Variants in FHOD3 observed in about 807,000 individuals in gnomAD.
FHOD3 encodes formin homology 2 domain containing 3, also known as FH1/FH2 domain-containing protein 3.
A neutral mutation model predicts 173.0 loss-of-function variants in FHOD3; 90 were observed. That is an observed-to-expected ratio of 0.52 (90% confidence interval 0.44 to 0.62). FHOD3 has a LOEUF of 0.62. FHOD3 is among the 20% of genes least tolerant of loss of function. FHOD3 has a pLI of 0.00. For missense variants in FHOD3, 1,945 were observed against 2,034.7 expected (o/e 0.96, Z 0.85); for synonymous variants, 828 against 823.0 (o/e 1.01, Z -0.10).
intron 7 of FHOD3, among the ~76,000 whole-genome samples, chr18:36,598,858 A>G (rs760823208): frequency 1.3e-5 from 2 of 152,192 alleles, no homozygotes; most frequent in Admixed American, 6.5e-5. Flanking sequence ...CAAAGAAGGA[A>G]AATTTAAAAT....
chr18:36,689,037 T>C (rs1295630313), intron 16 of FHOD3, among the ~76,000 whole-genome samples: 1 of 152,176 alleles, frequency 6.6e-6, no homozygotes, highest in African/African-American at 2.4e-5. Flanking sequence ...CACCTCTCTG[T>C]TTACACGGAG....
At chr18:36,779,369 T>C in intron 28 of FHOD3, 79 bp from the exon 29 acceptor site, 2 of 1,330,056 alleles carry the variant, frequency 1.5e-6, no homozygotes, top group South Asian at 1.2e-5. Context: ...GGGACTGGAG[T>C]CTTGACTGCC....
chr18:36,416,429 G>T (rs548057879), intron 3 of FHOD3, among the ~76,000 whole-genome samples: 28 of 152,326 alleles, frequency 1.8e-4, no homozygotes, highest in African/African-American at 6.0e-4. Flanking sequence ...GGTCTGTCAT[G>T]TGGGCATCTC....
Position 36,360,888 on chromosome 18 carries a change from G to A in FHOD3, c.272+5243G>A, listed in dbSNP as rs563139521. 7.2e-5 allele frequency among the ~76,000 whole-genome samples: 11 copies of A among 152,264 alleles called. No homozygotes were observed. The South Asian group carries it at 2.3e-3, about 32-fold the overall frequency. On this transcript the variant is annotated intron_variant, in intron 2 of 28. Coordinates refer to ENST00000590592, the MANE Select transcript of FHOD3 (RefSeq NM_001281740.3). ...CTCACCCATTCACACATTTGTCCAGGTTTCCTCTGCATTTTAGACTGGTGG... is the reference window on the plus strand; with the variant it reads ...CTCACCCATTCACACATTTGTCCAGATTTCCTCTGCATTTTAGACTGGTGG...
chr18:36,319,211 T>C (rs893701051), intron 1 of FHOD3, among the ~76,000 whole-genome samples: 3 of 152,188 alleles, frequency 2.0e-5, no homozygotes, highest in Admixed American at 6.5e-5. Context: ...ATTGGTGTGC[T>C]GATTTCAGGA....
chr18:36,431,865 C>G (rs2050569462), intron 3 of FHOD3, among the ~76,000 whole-genome samples: 1 of 152,144 alleles, frequency 6.6e-6, no homozygotes, highest in Admixed American at 6.5e-5. Flanking sequence ...TGAGAAAATA[C>G]AGTTGTTCCT....
intron 8 of FHOD3, among the ~76,000 whole-genome samples, chr18:36,604,281 T>C (rs1258965495): frequency 8.5e-5 from 13 of 152,184 alleles, no homozygotes; most frequent in Non-Finnish European, 1.5e-5. Flanking sequence ...TTCAGAAAGA[T>C]CCAGAGTCCA....
intron 20 of FHOD3, among the ~76,000 whole-genome samples, chr18:36,737,379 A>G (rs2041688063): frequency 1.3e-5 from 2 of 152,238 alleles, no homozygotes; most frequent in African/African-American, 4.8e-5. Context: ...AGAAGCATTT[A>G]TTTTGAAGAC....
At chr18:36,674,364 C>T (rs2037716885) in intron 14 of FHOD3, among the ~76,000 whole-genome samples, 2 of 152,212 alleles carry the variant, frequency 1.3e-5, no homozygotes, top group South Asian at 4.2e-4. Flanking sequence ...AGGCTTGAGG[C>T]CCTTCTTTTA....
chr18:36,363,003 AAAG>A (rs1173487091), intron 2 of FHOD3, among the ~76,000 whole-genome samples: 2 of 152,254 alleles, frequency 1.3e-5, no homozygotes, highest in African/African-American at 4.8e-5. Context: ...ATATGTCACT[AAAG>A]AAGACATTCA....
Position 36,462,489 on chromosome 18 carries a change from G to A in FHOD3, c.338-39443G>A, listed in dbSNP as rs908416991. Among the ~76,000 whole-genome samples, 9 of 152,032 alleles carry A rather than the reference G, an allele frequency of 5.9e-5. No homozygotes were observed. The East Asian group carries it at 7.7e-4, about 13-fold the overall frequency. On this transcript the variant is annotated intron_variant, in intron 3 of 28. Transcript: ENST00000590592. ...TGGGACTACAGGATCCTGCCACCAC[G>A]CCCAGCTAATTTTTTGTGTTTTTAG... is the stretch of plus-strand genomic sequence containing the variant.
intron 1 of FHOD3, among the ~76,000 whole-genome samples, chr18:36,348,765 G>A (rs1273493399): frequency 6.6e-6 from 1 of 152,066 alleles, no homozygotes; most frequent in African/African-American, 2.4e-5. Flanking sequence ...GGATGGTCAG[G>A]GAAGCAGGAC....
At chr18:36,727,143 G>C (rs953318882) in intron 19 of FHOD3, among the ~76,000 whole-genome samples, 2 of 152,140 alleles carry the variant, frequency 1.3e-5, no homozygotes, top group African/African-American at 4.8e-5. Context: ...GAGACGCTTT[G>C]GGAAGGAAGA....
intron 16 of FHOD3, among the ~76,000 whole-genome samples, chr18:36,690,150 G>A (rs1430732989): frequency 6.6e-6 from 1 of 152,184 alleles, no homozygotes; most frequent in Non-Finnish European, 1.5e-5. Flanking sequence ...TGAGCTCTGT[G>A]AGGGTGGGAT....
intron 3 of FHOD3, among the ~76,000 whole-genome samples, chr18:36,424,366 AT>A (rs540041522): frequency 1.0e-4 from 15 of 149,518 alleles, no homozygotes; most frequent in African/African-American, 2.0e-4. Context: ...TTATTGTGAG[AT>A]TTTTTTTTTA....
intron 14 of FHOD3, among the ~76,000 whole-genome samples, chr18:36,660,833 G>C (rs1286797640): frequency 6.6e-6 from 1 of 152,174 alleles, no homozygotes; most frequent in African/African-American, 2.4e-5. Context: ...GGGGTCACTG[G>C]GGAACAGCAG....
chr18:36,415,129 G>C (rs1038338427), intron 3 of FHOD3, among the ~76,000 whole-genome samples: 2 of 152,178 alleles, frequency 1.3e-5, no homozygotes, highest in Non-Finnish European at 2.9e-5. Flanking sequence ...GGCCTCTGTC[G>C]AGTGCCCATT....
intron 5 of FHOD3, among the ~76,000 whole-genome samples, chr18:36,543,013 G>C: frequency 6.6e-6 from 1 of 152,128 alleles, no homozygotes; most frequent in East Asian, 1.9e-4. Flanking sequence ...AGGAAAGCAG[G>C]TTGCCTTCCA....
chr18:36,457,205 G>C (rs2052269354), intron 3 of FHOD3, among the ~76,000 whole-genome samples: 1 of 152,122 alleles, frequency 6.6e-6, no homozygotes, highest in South Asian at 2.1e-4. Context: ...GTGTGTTGGT[G>C]CCCACTCAGA....
Sources: allele counts gnomAD v4.1 joint callset (sites outside exome capture counted in the v4.1 genomes callset), GRCh38; gene constraint gnomAD v4.1.1; transcripts MANE v1.5; gene names NCBI Gene and HGNC (gene_info 2026-07-23, HGNC 2026-07-21).